SERPINE2: variants seen among roughly 807,000 people sequenced by gnomAD.
The protein encoded by SERPINE2 is glia-derived nexin.
SERPINE2 carries 14 observed loss-of-function variants against 36.3 expected under a neutral mutation model. The observed-to-expected ratio is 0.39, with a 90% confidence interval of 0.25 to 0.60. SERPINE2 has a LOEUF of 0.60. Among genes scored for constraint, SERPINE2 ranks in the 20% least tolerant of loss-of-function variants. The pLI is 0.57. For synonymous variants in SERPINE2, 192 were observed against 191.8 expected, an observed-to-expected ratio of 1.00 and a Z score of -0.01; for missense variants, 418 against 499.6, an observed-to-expected ratio of 0.84 and a Z score of 1.56.
chr2:224,031,519 T>C, intron 1 of SERPINE2: 1 of 985,484 alleles, frequency 1.0e-6, no homozygotes, highest in Non-Finnish European at 1.2e-6. Context: ...AGAACCTCCC[T>C]CCTCCGCCCA....
chr2:223,996,616 C>A (rs1690898812), intron 3 of SERPINE2, among the ~76,000 whole-genome samples: 1 of 152,216 alleles, frequency 6.6e-6, no homozygotes, highest in South Asian at 2.1e-4. Flanking sequence ...GATTCCAATG[C>A]AGTGGGCTGG....
At chr2:224,023,818 C>A (rs1234125739) in intron 1 of SERPINE2, among the ~76,000 whole-genome samples, 1 of 152,156 alleles carries the variant, frequency 6.6e-6, no homozygotes, top group African/African-American at 2.4e-5. Flanking sequence ...ACATTCTTTT[C>A]TTTTTCAGTT....
At chr2:223,982,091 CTAGA>C (rs1431838414) in intron 6 of SERPINE2, 1 of 149,482 alleles carries the variant, frequency 6.7e-6, no homozygotes, top group Non-Finnish European at 1.5e-5. Context: ...AGAGCAATGA[CTAGA>C]TAAAGAAAAT....
At chr2:223,997,058 C>A (rs1307487710) in intron 3 of SERPINE2, among the ~76,000 whole-genome samples, 1 of 152,148 alleles carries the variant, frequency 6.6e-6, no homozygotes, top group Non-Finnish European at 1.5e-5. Flanking sequence ...GCCTAAGAGA[C>A]AGAGTGAGAC....
chr2:223,996,380 C>T (rs920597080), intron 3 of SERPINE2, among the ~76,000 whole-genome samples: 1 of 152,132 alleles, frequency 6.6e-6, no homozygotes, highest in African/African-American at 2.4e-5. Flanking sequence ...GCTGACCTCC[C>T]GATGGTTTAT....
chr2:223,993,530 ATGTG>A (rs36049464), intron 3 of SERPINE2, among the ~76,000 whole-genome samples: 20,205 of 149,354 alleles, frequency 0.14, 2,051 homozygotes, highest in African/African-American at 0.26. Flanking sequence ...GCTCAAATAT[ATGTG>A]TGTGTGTGTG....
At chr2:223,997,212 T>G (rs1261133076) in intron 3 of SERPINE2, among the ~76,000 whole-genome samples, 1 of 150,334 alleles carries the variant, frequency 6.7e-6, no homozygotes, top group Non-Finnish European at 1.5e-5. Context: ...TTTTTTGTTT[T>G]TTTGTTTCTT....
chr2:224,030,301 C>A, intron 1 of SERPINE2: 2 of 870,184 alleles, frequency 2.3e-6, no homozygotes, highest in South Asian at 1.1e-4. Context: ...CATGCAAAGA[C>A]ACAGAGCAAG....
chr2:223,982,892 G>A (rs1677392115), intron 5 of SERPINE2, 111 bp from the exon 6 acceptor site: 1 of 672,714 alleles, frequency 1.5e-6, no homozygotes, highest in Non-Finnish European at 2.5e-6. Context: ...TCTGAATACC[G>A]ATCTGAATTG....
chr2:223,980,248 A>G (rs1311504846), intron 7 of SERPINE2, 63 bp downstream of exon 7: 2 of 1,322,718 alleles, frequency 1.5e-6, no homozygotes, highest in Non-Finnish European at 2.2e-6. Flanking sequence ...TCAACCAATG[A>G]GTATACAGGA....
At chr2:223,979,228 C>G (rs577074058) in intron 7 of SERPINE2, 1 of 152,272 alleles carries the variant, frequency 6.6e-6, no homozygotes, top group South Asian at 2.1e-4. Context: ...ACATTTTGAA[C>G]AAGGGGCTCC....
At chr2:223,995,168 T>C (rs548722256) in intron 3 of SERPINE2, among the ~76,000 whole-genome samples, 7 of 152,300 alleles carry the variant, frequency 4.6e-5, no homozygotes, top group Non-Finnish European at 5.9e-5. Context: ...TGAGTGAGTC[T>C]GCAGAGGTCA....
chr2:223,998,015 G>T (rs531723276), intron 3 of SERPINE2, 100 bp downstream of exon 3: 2 of 893,758 alleles, frequency 2.2e-6, no homozygotes, highest in Non-Finnish European at 3.6e-6. Flanking sequence ...CAACCCACAG[G>T]CCATTGAATT....
At chr2:224,015,776 T>C (rs1172235245) in intron 1 of SERPINE2, among the ~76,000 whole-genome samples, 1 of 152,102 alleles carries the variant, frequency 6.6e-6, no homozygotes, top group Non-Finnish European at 1.5e-5. Context: ...GAAAAACTGA[T>C]AAACTGAAAA....
chr2:223,992,195 T>C (rs1690700464), intron 3 of SERPINE2, among the ~76,000 whole-genome samples, 195 bp from the exon 4 acceptor site: 2 of 152,100 alleles, frequency 1.3e-5, no homozygotes, highest in Admixed American at 6.5e-5. Flanking sequence ...TAAAAAGAAG[T>C]TAAAAGAGAA....
At chr2:224,000,598 C>T (rs1189367805) in intron 2 of SERPINE2, among the ~76,000 whole-genome samples, 3 of 152,032 alleles carry the variant, frequency 2.0e-5, no homozygotes, top group Non-Finnish European at 2.9e-5. Flanking sequence ...ACACATGTGT[C>T]GTGGTGGTTT....
chr2:224,038,004 A>T (rs1692585176), intron 1 of SERPINE2, among the ~76,000 whole-genome samples: 1 of 152,222 alleles, frequency 6.6e-6, no homozygotes, highest in Non-Finnish European at 1.5e-5. Context: ...ATAGCAAATA[A>T]GTACTGATTT....
chr2:224,021,653 A>C (rs10188383), intron 1 of SERPINE2, among the ~76,000 whole-genome samples: 143,895 of 152,332 alleles, frequency 0.94, 68,321 homozygotes, highest in Non-Finnish European at 0.99. Context: ...AGCCACATCT[A>C]TCCCTACTGG....
chr2:224,014,936 C>A (rs538678020), intron 1 of SERPINE2, among the ~76,000 whole-genome samples: 1 of 152,208 alleles, frequency 6.6e-6, no homozygotes, highest in South Asian at 2.1e-4. Flanking sequence ...TGGTTCTCCA[C>A]CTGGGTGACT....
Sources: gnomAD v4.1 joint callset for allele counts (sites outside exome capture counted in the v4.1 genomes callset) on GRCh38, gnomAD v4.1.1 for gene constraint, MANE v1.5 for transcripts, NCBI Gene and HGNC (gene_info 2026-07-23, HGNC 2026-07-21) for gene names.